The following ABL1 variants were observed in gnomAD, a reference collection of about 807,000 sequenced individuals.
ABL1 encodes the protein ABL proto-oncogene 1, non-receptor tyrosine kinase, also known as tyrosine-protein kinase ABL1.
A neutral mutation model predicts 94.7 loss-of-function variants in ABL1; 11 were observed. The ratio of observed to expected loss-of-function variants is 0.12; its 90% confidence interval spans 0.07 to 0.19. The LOEUF is 0.19. ABL1 is among the 10% of genes least tolerant of loss of function. ABL1 has a pLI of 1.00. For missense variants in ABL1, 1,082 were observed against 1,489.4 expected (o/e 0.73, Z 4.50); for synonymous variants, 656 against 622.4 (o/e 1.05, Z -0.80).
At chr9:130,775,420 T>C (rs1832299393) in intron 1 of ABL1, among the ~76,000 whole-genome samples, 1 of 152,086 alleles carries the variant, frequency 6.6e-6, no homozygotes, top group South Asian at 2.1e-4. Context: ...TAAAATCCTA[T>C]GAAGAAAAAT....
intron 1 of ABL1, among the ~76,000 whole-genome samples, chr9:130,844,363 A>G (rs34594121): frequency 0.026 from 3,912 of 152,240 alleles, 178 homozygotes; most frequent in African/African-American, 0.089. Flanking sequence ...CTCAGTCCTG[A>G]TATGGGCGTC....
At chr9:130,714,009 T>A in exon 1 of ABL1, 1 of 288,148 alleles carries the variant, frequency 3.5e-6, no homozygotes, top group Non-Finnish European at 6.5e-6. Context: ...TATTTCTGTT[T>A]AGGTTTTTCT....
Position 130,782,913 on chromosome 9 carries a change from A to G in ABL1, c.136+68458A>G, listed in dbSNP as rs117690121. Reference sequence around the variant, plus strand: ...ATAAAGTTGAAAGAACAATGCACCTAGATTCATCAACTCTTAACACTTGCT... The same window carrying G: ...ATAAAGTTGAAAGAACAATGCACCTGGATTCATCAACTCTTAACACTTGCT... On this transcript the variant is annotated intron_variant, in intron 1 of 10. Coordinates refer to the ABL1 transcript ENST00000372348. Among the ~76,000 whole-genome samples, 127 of 152,352 alleles carry G rather than the reference A, an allele frequency of 8.3e-4. 1 individual carries two copies. The East Asian group carries it at 0.023, about 28-fold the overall frequency.
At chr9:130,715,317 C>T (rs772374355) in intron 1 of ABL1, among the ~76,000 whole-genome samples, 2 of 152,052 alleles carry the variant, frequency 1.3e-5, no homozygotes, top group Non-Finnish European at 2.9e-5. Flanking sequence ...GGATTGTGTC[C>T]TTTATATTAA....
chr9:130,759,191 C>T (rs1588227499), intron 1 of ABL1, among the ~76,000 whole-genome samples: 1 of 152,138 alleles, frequency 6.6e-6, no homozygotes, highest in South Asian at 2.1e-4. Flanking sequence ...GCTTCAAATG[C>T]CAAATGATCA....
chr9:130,870,527 C>T (rs1831234494), intron 4 of ABL1, among the ~76,000 whole-genome samples: 1 of 152,110 alleles, frequency 6.6e-6, no homozygotes, highest in Non-Finnish European at 1.5e-5. Flanking sequence ...GCATTGAATC[C>T]CCGGATACTG....
chr9:130,850,851 A>G (rs1830845531), intron 1 of ABL1, among the ~76,000 whole-genome samples: 1 of 152,154 alleles, frequency 6.6e-6, no homozygotes, highest in South Asian at 2.1e-4. Context: ...CCTACAGTCA[A>G]GACTACCAAA....
chr9:130,768,595 G>T (rs1036983911), intron 1 of ABL1, among the ~76,000 whole-genome samples: 4 of 152,206 alleles, frequency 2.6e-5, no homozygotes, highest in Admixed American at 1.3e-4. Flanking sequence ...GAAGAAGAAC[G>T]GTAGTAAGTT....
intron 4 of ABL1, among the ~76,000 whole-genome samples, chr9:130,871,579 C>T (rs34623405): frequency 6.6e-5 from 10 of 152,354 alleles, no homozygotes; most frequent in African/African-American, 1.9e-4. Flanking sequence ...CCCACGACCA[C>T]GTGCCAGAAT....
chr9:130,816,834 G>T (rs568132760), intron 1 of ABL1, among the ~76,000 whole-genome samples: 20 of 152,310 alleles, frequency 1.3e-4, no homozygotes, highest in African/African-American at 4.3e-4. Flanking sequence ...CTCCCAAGTA[G>T]CTGGGATTAG....
chr9:130,824,155 A>C (rs1449671029), intron 1 of ABL1, among the ~76,000 whole-genome samples: 1 of 152,124 alleles, frequency 6.6e-6, no homozygotes, highest in East Asian at 1.9e-4. Flanking sequence ...GAGATGATGG[A>C]GCTTAAGAAG....
intron 1 of ABL1, among the ~76,000 whole-genome samples, chr9:130,751,326 A>G (rs770489963): frequency 3.3e-4 from 50 of 151,506 alleles, no homozygotes; most frequent in Non-Finnish European, 6.6e-4. Flanking sequence ...TATTTTTAGT[A>G]GAGACAGCAT....
Position 130,853,019 on chromosome 9 carries a change from T to C in ABL1, c.80-1045T>C, listed in dbSNP as rs36049853. On this transcript the variant is annotated intron_variant, in intron 1 of 10. Coordinates refer to ENST00000318560, the MANE Select transcript of ABL1 (RefSeq NM_005157.6). ...AGAACAGGCAGTGAAGGTGTGCGTCTGTTACGGAGAATAGGACTCCAGTGA... is the reference window on the plus strand; with the variant it reads ...AGAACAGGCAGTGAAGGTGTGCGTCCGTTACGGAGAATAGGACTCCAGTGA... 4.3e-4 allele frequency among the ~76,000 whole-genome samples: 65 copies of C among 152,154 alleles called. 1 individual carries two copies. In the East Asian group the frequency reaches 0.012, roughly 29 times the overall value.
At chr9:130,779,906 A>G (rs1829733608) in intron 1 of ABL1, among the ~76,000 whole-genome samples, 2 of 152,180 alleles carry the variant, frequency 1.3e-5, no homozygotes, top group South Asian at 2.1e-4. Context: ...CTGCTCTGCC[A>G]TTGTATTAAT....
At chr9:130,856,737 T>C (rs1255975138) in intron 3 of ABL1, among the ~76,000 whole-genome samples, 1 of 152,226 alleles carries the variant, frequency 6.6e-6, no homozygotes, top group Non-Finnish European at 1.5e-5. Context: ...AAATGATACA[T>C]GCACGCGAAT....
intron 1 of ABL1, among the ~76,000 whole-genome samples, chr9:130,824,437 A>T (rs545739292): frequency 6.6e-6 from 1 of 152,278 alleles, no homozygotes; most frequent in East Asian, 1.9e-4. Context: ...TAGGCAGTTC[A>T]CCAATTCAAA....
chr9:130,745,703 G>C (rs1831879798), intron 1 of ABL1, among the ~76,000 whole-genome samples: 1 of 151,816 alleles, frequency 6.6e-6, no homozygotes, highest in Non-Finnish European at 1.5e-5. Flanking sequence ...AATGCATGTG[G>C]GAAAATGTTT....
At chr9:130,804,586 A>G (rs1830101684) in intron 1 of ABL1, among the ~76,000 whole-genome samples, 1 of 152,236 alleles carries the variant, frequency 6.6e-6, no homozygotes, top group Admixed American at 6.5e-5. Flanking sequence ...CTCCGTCTCG[A>G]AAAGAAAAAA....
At chr9:130,827,730 A>G in intron 1 of ABL1, among the ~76,000 whole-genome samples, 1 of 151,990 alleles carries the variant, frequency 6.6e-6, no homozygotes, top group East Asian at 1.9e-4. Flanking sequence ...CCCCATCTCC[A>G]CTAAAAATAC....
Sources: allele counts gnomAD v4.1 joint callset (sites outside exome capture counted in the v4.1 genomes callset), GRCh38; gene constraint gnomAD v4.1.1; transcripts MANE v1.5; gene names NCBI Gene and HGNC (gene_info 2026-07-23, HGNC 2026-07-21).